NGLY1: variants seen among roughly 807,000 people sequenced by gnomAD.
NGLY1 encodes the protein N-glycanase 1.
In NGLY1, 68 loss-of-function variants were observed where a neutral mutation model predicts 84.6. The observed-to-expected ratio is 0.80, with a 90% CI of 0.66 to 0.98. NGLY1 has a LOEUF of 0.98. NGLY1 is among the 50% of genes least tolerant of loss of function. The probability of loss-of-function intolerance (pLI) is 0.00; values close to 1 mark genes in which losing one functional copy is unlikely to be tolerated. For missense variants in NGLY1, 779 were observed against 770.2 expected (o/e 1.01, Z -0.14); for synonymous variants, 280 against 275.2 (o/e 1.02, Z -0.17).
At chr3:25,770,101 G>T (rs1328140875) in intron 2 of NGLY1, among the ~76,000 whole-genome samples, 2 of 152,108 alleles carry the variant, frequency 1.3e-5, no homozygotes, top group South Asian at 4.1e-4. Context: ...CCAGGTTGCT[G>T]CAAATGCCAT....
chr3:25,778,645 T>C lies in NGLY1; in HGVS notation c.175A>G (p.Thr59Ala), dbSNP rs1315879556. The C allele has an allele frequency of 1.2e-6, 2 of 1,613,078 alleles. No homozygotes were observed. The highest frequency in any genetic ancestry group is 2.2e-5 in the South Asian group (2 of 90,878). The change falls in exon 2 of 12, where the codon ACA (threonine) becomes GCA (alanine). Residue 59 changes from threonine to alanine, a missense_variant. Transcript: ENST00000280700. Reference protein sequence around the residue: ...EKYRSIRIGNTAFSTRLLPVR... With the variant: ...EKYRSIRIGNAAFSTRLLPVR... ...GGCAAGAGTCTAGTAGAAAAGGCTG[T>C]GTTTCCAATCCGGATGGATCTATAT...
chr3:25,733,050 T>G (rs1705621076), intron 8 of NGLY1, among the ~76,000 whole-genome samples: 1 of 152,200 alleles, frequency 6.6e-6, no homozygotes, highest in African/African-American at 2.4e-5. Context: ...GTGCTGGAAA[T>G]CAAAGCAGAA....
At position 25,731,949 on chromosome 3, in the gene NGLY1, C is replaced by T. The variant is rs75977280; in HGVS notation, c.1425+370G>A. On this transcript the variant is annotated intron_variant, in intron 9 of 11. Coordinates refer to ENST00000280700, the MANE Select transcript of NGLY1 (RefSeq NM_018297.4). Reference sequence around the variant, plus strand: ...GGAAAGAAACTCACGCTTGTTTCTACGGTTCCAGTGATCTATTTCTTATTC... The same window carrying T: ...GGAAAGAAACTCACGCTTGTTTCTATGGTTCCAGTGATCTATTTCTTATTC... 3.1e-3 allele frequency among the ~76,000 whole-genome samples: 468 copies of T among 152,182 alleles called. 3 individuals are homozygous for T. The highest frequency in any genetic ancestry group is 0.011 in the African/African-American group (442 of 41,534).
intron 4 of NGLY1, among the ~76,000 whole-genome samples, chr3:25,742,884 C>G (rs1347625750): frequency 1.7e-4 from 11 of 63,306 alleles, no homozygotes; most frequent in Admixed American, 2.3e-4. Flanking sequence ...CCTTATGTGG[C>G]AAAAAAAAAA....
chr3:25,751,792 A>C (rs1383477929), intron 3 of NGLY1, among the ~76,000 whole-genome samples: 7 of 152,242 alleles, frequency 4.6e-5, no homozygotes, highest in Non-Finnish European at 8.8e-5. Context: ...AAGTGTCCTC[A>C]GGGCAAGCAT....
intron 2 of NGLY1, chr3:25,778,257 A>T: frequency 5.6e-6 from 1 of 178,578 alleles, no homozygotes; most frequent in Non-Finnish European, 1.2e-5. Flanking sequence ...ATTAGTATTC[A>T]TGTGTGCTCA....
At chr3:25,765,093 T>C (rs768279677) in intron 2 of NGLY1, among the ~76,000 whole-genome samples, 2 of 152,154 alleles carry the variant, frequency 1.3e-5, no homozygotes, top group Non-Finnish European at 2.9e-5. Flanking sequence ...GAAATGACAA[T>C]GTATTTGATC....
At chr3:25,789,723 T>C (rs1174939218) in intron 1 of NGLY1, 1 of 1,127,148 alleles carries the variant, frequency 8.9e-7, no homozygotes, top group Admixed American at 2.1e-5. Flanking sequence ...AGCAATAACT[T>C]TGAAACTGCA....
intron 2 of NGLY1, among the ~76,000 whole-genome samples, chr3:25,770,715 C>A (rs1031699702): frequency 6.6e-6 from 1 of 152,144 alleles, no homozygotes; most frequent in African/African-American, 2.4e-5. Flanking sequence ...TTTTCACCAA[C>A]ATCTATTATT....
chr3:25,734,726 A>G, intron 7 of NGLY1: 1 of 863,794 alleles, frequency 1.2e-6, no homozygotes, highest in Non-Finnish European at 1.4e-6. Context: ...TTAAAATAAA[A>G]TAAAATAAAA....
chr3:25,789,802 A>G, intron 1 of NGLY1: 2 of 1,528,568 alleles, frequency 1.3e-6, no homozygotes, highest in Non-Finnish European at 1.8e-6. Context: ...GACAAAAGGG[A>G]ATATTTGGGC....
intron 2 of NGLY1, among the ~76,000 whole-genome samples, chr3:25,774,437 G>A (rs1708054919): frequency 1.3e-5 from 2 of 152,200 alleles, no homozygotes; most frequent in East Asian, 1.9e-4. Context: ...ATGTCTGAGA[G>A]CAGACTCTCT....
At chr3:25,749,942 GCCA>G in intron 4 of NGLY1, 1 of 404,764 alleles carries the variant, frequency 2.5e-6, no homozygotes, top group Non-Finnish European at 4.0e-6. Flanking sequence ...TGTAAAAACT[GCCA>G]AAAAAAAAAA....
chr3:25,720,673 G>A (rs1451707991), intron 10 of NGLY1, among the ~76,000 whole-genome samples: 1 of 152,146 alleles, frequency 6.6e-6, no homozygotes, highest in Non-Finnish European at 1.5e-5. Flanking sequence ...TGGTTTAAAA[G>A]GTGATATCCA....
At chr3:25,768,666 C>T (rs1345151346) in intron 2 of NGLY1, among the ~76,000 whole-genome samples, 3 of 151,326 alleles carry the variant, frequency 2.0e-5, no homozygotes, top group Non-Finnish European at 2.9e-5. Flanking sequence ...CTGCCTCAGC[C>T]TCCCAAGTAG....
At chr3:25,749,642 C>T in intron 4 of NGLY1, 1 of 1,462,982 alleles carries the variant, frequency 6.8e-7, no homozygotes, top group South Asian at 1.1e-5. Context: ...GTTCAAGAGC[C>T]AGATCTTGAT....
intron 4 of NGLY1, among the ~76,000 whole-genome samples, chr3:25,740,171 T>C (rs922642254): frequency 2.0e-5 from 3 of 152,206 alleles, no homozygotes; most frequent in African/African-American, 7.2e-5. Context: ...ATGGGAAACA[T>C]TGAATTTGTT....
At chr3:25,763,425 T>C (rs1313800036) in intron 3 of NGLY1, among the ~76,000 whole-genome samples, 1 of 152,222 alleles carries the variant, frequency 6.6e-6, no homozygotes, top group Non-Finnish European at 1.5e-5. Context: ...TCTGTAACTG[T>C]ACCAACCTTA....
At chr3:25,745,125 C>T (rs12494256) in intron 4 of NGLY1, among the ~76,000 whole-genome samples, 108,867 of 152,112 alleles carry the variant, frequency 0.72, 41,722 homozygotes, top group East Asian at 0.94. Flanking sequence ...TCTAAAATAT[C>T]GCCATCCAAT....
Sources: allele counts gnomAD v4.1 joint callset (sites outside exome capture counted in the v4.1 genomes callset), GRCh38; gene constraint gnomAD v4.1.1; transcripts MANE v1.5; gene names NCBI Gene and HGNC (gene_info 2026-07-23, HGNC 2026-07-21).